CNTN4: variants seen among roughly 807,000 people sequenced by gnomAD.
CNTN4 encodes the protein contactin 4.
In CNTN4, 77 loss-of-function variants were observed where a neutral mutation model predicts 122.5. The ratio of observed to expected loss-of-function variants is 0.63; its 90% CI spans 0.52 to 0.76. CNTN4 has a LOEUF of 0.76. Among genes scored for constraint, CNTN4 ranks in the 30% least tolerant of loss-of-function variants. CNTN4 has a pLI of 0.00. For missense variants in CNTN4, 1,256 were observed against 1,259.1 expected (o/e 1.00, Z 0.04); for synonymous variants, 512 against 447.0 (o/e 1.15, Z -1.83).
intron 14 of CNTN4, among the ~76,000 whole-genome samples, chr3:3,013,378 T>C (rs959070496): frequency 6.6e-6 from 1 of 152,120 alleles, no homozygotes; most frequent in African/African-American, 2.4e-5. Context: ...TAGGTTAGTA[T>C]CAGAGAGTCA....
intron 4 of CNTN4, among the ~76,000 whole-genome samples, chr3:2,725,630 C>T (rs2088173448): frequency 6.6e-6 from 1 of 152,022 alleles, no homozygotes; most frequent in African/African-American, 2.4e-5. Context: ...ATGGAGTTTT[C>T]CATATGCATC....
chr3:2,099,937 T>G (rs1360996039), intron 1 of CNTN4, among the ~76,000 whole-genome samples: 2 of 152,208 alleles, frequency 1.3e-5, no homozygotes, highest in Non-Finnish European at 2.9e-5. Flanking sequence ...GGACGTGGGC[T>G]CCTGAATCCC....
Position 2,929,580 on chromosome 3 carries a change from C to T in CNTN4, c.1358+3801C>T, listed in dbSNP as rs184759479. ...GGATGGATTGCAACTGCAGGTATGA[C>T]AGGGCTTAGGTGCTCACACAGTATC... On this transcript the variant is annotated intron_variant, in intron 13 of 24. Coordinates refer to ENST00000418658, the MANE Select transcript of CNTN4 (RefSeq NM_175607.3). Among the ~76,000 whole-genome samples, 292 of 152,296 alleles carry T rather than the reference C, an allele frequency of 1.9e-3. 1 individual carries two copies. The highest frequency in any genetic ancestry group is 2.3e-3 in the Non-Finnish European group (159 of 68,012).
intron 6 of CNTN4, among the ~76,000 whole-genome samples, chr3:2,767,673 C>G (rs1175936308): frequency 6.6e-6 from 1 of 152,202 alleles, no homozygotes; most frequent in Non-Finnish European, 1.5e-5. Flanking sequence ...GCGTACCAAA[C>G]TAATCCCAAA....
At chr3:2,273,169 G>T (rs1004100957) in intron 2 of CNTN4, among the ~76,000 whole-genome samples, 2 of 152,146 alleles carry the variant, frequency 1.3e-5, no homozygotes, top group Non-Finnish European at 2.9e-5. Flanking sequence ...TCTTAAAAAT[G>T]CAGTAAGTAA....
intron 6 of CNTN4, among the ~76,000 whole-genome samples, chr3:2,789,697 C>G (rs1214307932): frequency 6.6e-6 from 1 of 152,180 alleles, no homozygotes; most frequent in Non-Finnish European, 1.5e-5. Flanking sequence ...TCCCAAAGTG[C>G]TATGATGGCA....
chr3:2,208,070 G>T (rs569963236), intron 2 of CNTN4, among the ~76,000 whole-genome samples: 1 of 152,222 alleles, frequency 6.6e-6, no homozygotes, highest in South Asian at 2.1e-4. Context: ...CATTGATCAA[G>T]GAGTAATTCT....
At chr3:2,319,388 G>T (rs1338436097) in intron 2 of CNTN4, among the ~76,000 whole-genome samples, 1 of 152,066 alleles carries the variant, frequency 6.6e-6, no homozygotes. Context: ...AACGTTAGCT[G>T]CATGAATCCA....
chr3:2,765,425 G>T (rs1007368826), intron 6 of CNTN4, among the ~76,000 whole-genome samples: 3 of 152,188 alleles, frequency 2.0e-5, no homozygotes, highest in African/African-American at 7.2e-5. Context: ...CCTTCCTAGA[G>T]TATGTCTCAC....
chr3:2,968,818 T>A (rs1353692555), intron 13 of CNTN4, among the ~76,000 whole-genome samples: 1 of 152,154 alleles, frequency 6.6e-6, no homozygotes, highest in African/African-American at 2.4e-5. Context: ...TCTTCTGGTG[T>A]TTCAGCCATT....
At chr3:2,494,828 C>G (rs2076412066) in intron 3 of CNTN4, among the ~76,000 whole-genome samples, 1 of 152,188 alleles carries the variant, frequency 6.6e-6, no homozygotes, top group South Asian at 2.1e-4. Flanking sequence ...TTAATGCTGG[C>G]CAGTTGTGCC....
intron 4 of CNTN4, among the ~76,000 whole-genome samples, chr3:2,650,995 A>G (rs764743909): frequency 2.0e-5 from 3 of 152,312 alleles, no homozygotes; most frequent in African/African-American, 2.4e-5. Context: ...TAATTCATTT[A>G]CAATCCTGTT....
rs561625171 is a variant in CNTN4, at chr3:2,686,810, T to G, written c.56-49405T>G. ...GCTGTGGACTTTCTTATCACTTCTA[T>G]AAGCCAGTTTTAGTTTATACTGACA... On this transcript the variant is annotated intron_variant, in intron 4 of 24. Coordinates refer to ENST00000418658, the MANE Select transcript of CNTN4 (RefSeq NM_175607.3). Among the ~76,000 whole-genome samples the G allele has an allele frequency of 2.0e-5, 3 of 152,186 alleles. 1 individual carries two copies. Among genetic ancestry groups the G allele is most frequent in the Non-Finnish European group, 4.4e-5 (3 of 68,016 alleles).
chr3:2,230,849 A>G (rs1034723413), intron 2 of CNTN4, among the ~76,000 whole-genome samples: 7 of 151,958 alleles, frequency 4.6e-5, no homozygotes, highest in African/African-American at 1.5e-4. Flanking sequence ...TGGCTTGAGC[A>G]TGGTGGTGCA....
intron 13 of CNTN4, among the ~76,000 whole-genome samples, chr3:2,970,470 G>T (rs1383327193): frequency 6.6e-6 from 1 of 151,872 alleles, no homozygotes; most frequent in African/African-American, 2.4e-5. Flanking sequence ...AATTGAGACA[G>T]TTTTACTCTG....
intron 3 of CNTN4, among the ~76,000 whole-genome samples, chr3:2,493,622 C>G (rs2076376163): frequency 6.6e-6 from 1 of 151,804 alleles, no homozygotes; most frequent in Admixed American, 6.6e-5. Context: ...GAACTGCTAG[C>G]TGCCAACCAA....
At chr3:2,417,954 A>G (rs569146093) in intron 3 of CNTN4, among the ~76,000 whole-genome samples, 2 of 152,320 alleles carry the variant, frequency 1.3e-5, no homozygotes, top group South Asian at 4.1e-4. Flanking sequence ...TGGGAAGAGT[A>G]AAAAGATCCG....
intron 4 of CNTN4, among the ~76,000 whole-genome samples, chr3:2,577,861 A>G (rs924207045): frequency 2.0e-5 from 3 of 152,158 alleles, no homozygotes; most frequent in African/African-American, 7.2e-5. Context: ...TCTTGGTTTC[A>G]AGGAGGCTAA....
intron 23 of CNTN4, among the ~76,000 whole-genome samples, chr3:3,049,062 C>G (rs1303738406): frequency 6.6e-6 from 1 of 152,082 alleles, no homozygotes; most frequent in Non-Finnish European, 1.5e-5. Flanking sequence ...AGCACTGTTC[C>G]AATTCATCTT....
Sources: allele counts gnomAD v4.1 joint callset (sites outside exome capture counted in the v4.1 genomes callset), GRCh38; gene constraint gnomAD v4.1.1; transcripts MANE v1.5; gene names NCBI Gene and HGNC (gene_info 2026-07-23, HGNC 2026-07-21).